The following TP53BP2 variants were observed in gnomAD, a reference collection of about 807,000 sequenced individuals.
TP53BP2 encodes apoptosis-stimulating of p53 protein 2.
Under a neutral mutation model 126.2 loss-of-function variants are expected in TP53BP2, and 62 were observed. The observed-to-expected ratio is 0.49, with a 90% CI of 0.40 to 0.61. The LOEUF is 0.61. TP53BP2 is among the 20% of genes least tolerant of loss of function. TP53BP2 has a pLI of 0.00. For missense variants in TP53BP2, 1,215 were observed against 1,402.8 expected (o/e 0.87, Z 2.14); for synonymous variants, 485 against 502.9 (o/e 0.96, Z 0.48).
rs1263599347 is a variant in TP53BP2, at chr1:223,800,733, C to T, written c.1303G>A (p.Val435Ile). The T allele has an allele frequency of 3.7e-6, 6 of 1,608,018 alleles. No homozygotes were observed. Among genetic ancestry groups the T allele is most frequent in the Middle Eastern group, 1.6e-4 (1 of 6,066 alleles). ...AGAGCATTCCCAGTGCTTTGAGGTA[C>T]AGAAGCAGAGCCTTGGCTTGGGAAA... ...DLFPSQGSASVPQSTGNALDQ... is the reference protein window; with the variant it reads ...DLFPSQGSASIPQSTGNALDQ... Residue 435 changes from valine to isoleucine, a missense_variant, in exon 10 of 18, where the codon GTA (valine) becomes ATA (isoleucine). By Grantham distance (29) the Val-to-Ile change is conservative. This residue lies in a region of TP53BP2 where 814 missense variants were observed against 853.0 expected (regional missense o/e 0.95). Transcript: ENST00000343537.
intron 2 of TP53BP2, among the ~76,000 whole-genome samples, 192 bp from the exon 3 acceptor site, chr1:223,814,545 C>T (rs1049582883): frequency 1.3e-5 from 2 of 152,086 alleles, no homozygotes; most frequent in African/African-American, 4.8e-5. Context: ...CAGAGTCAAG[C>T]CAGGGTGGAA....
intron 2 of TP53BP2, among the ~76,000 whole-genome samples, chr1:223,820,024 G>A (rs573009984): frequency 4.0e-4 from 61 of 152,336 alleles, no homozygotes; most frequent in Middle Eastern, 3.4e-3. Context: ...TCAGGATGAT[G>A]TAACTGAGAA....
chr1:223,845,760 AGCGAGGCCGCCCGGACCTGTT>A lies in TP53BP2; in HGVS notation c.-101_-81del. 7.3e-7 allele frequency: 1 copy of A among 1,376,588 alleles called. No homozygotes were observed. Among genetic ancestry groups the A allele is most frequent in the Non-Finnish European group, 9.5e-7 (1 of 1,057,514 alleles). The allele number at this position is 1,376,588 out of a possible 1,614,324, so 85.3% of individuals were successfully genotyped here. On this transcript the variant is annotated 5_prime_UTR_variant, in exon 1 of 18. Transcript: ENST00000343537. ...GCGGATGCGGGGGAGGGGAGCGGAG[AGCGAGGCCGCCCGGACCTGTT>A]GCGAGGCGGCGGCGGCGGCAGCGGC... is the stretch of plus-strand genomic sequence containing the variant.
At chr1:223,817,819 A>G (rs530563855) in intron 2 of TP53BP2, among the ~76,000 whole-genome samples, 1 of 151,686 alleles carries the variant, frequency 6.6e-6, no homozygotes, top group Non-Finnish European at 1.5e-5. Context: ...CCAGCTACTC[A>G]GGGGGCTGAG....
Position 223,802,234 on chromosome 1 carries a change from A to C in TP53BP2, c.1107T>G (p.Pro369=). 6.2e-7 allele frequency: 1 copy of C among 1,614,210 alleles called. No individual in the cohort carries two copies. Among genetic ancestry groups the C allele is most frequent in the Non-Finnish European group, 8.5e-7 (1 of 1,180,028 alleles). Residue 369 remains proline (P), a synonymous_variant, in exon 9 of 18, where the codon CCT becomes CCG. Coordinates refer to ENST00000343537, the MANE Select transcript of TP53BP2 (RefSeq NM_001031685.3). ...GCAGGGCTGGCTTCACCAGCAATTC[A>C]GGCCTTGAGGGCATCCGAGGCATAG... ...SSTMPRMPSR[P]ELLVKPALPD... is the part of the protein sequence containing the mutation.
intron 1 of TP53BP2, among the ~76,000 whole-genome samples, chr1:223,823,513 TAA>T (rs1558105845): frequency 2.0e-5 from 3 of 151,878 alleles, no homozygotes; most frequent in African/African-American, 7.3e-5. Flanking sequence ...AATGGAAAAA[TAA>T]AAAAACACTG....
intron 1 of TP53BP2, among the ~76,000 whole-genome samples, chr1:223,821,879 T>G (rs1254957427): frequency 1.3e-5 from 2 of 150,160 alleles, no homozygotes; most frequent in Non-Finnish European, 2.9e-5. Flanking sequence ...ATATATTACC[T>G]ATTCAAAAAA....
chr1:223,799,185 T>A (rs986973750), intron 11 of TP53BP2, among the ~76,000 whole-genome samples: 2 of 152,112 alleles, frequency 1.3e-5, no homozygotes, highest in African/African-American at 4.8e-5. Flanking sequence ...CCCAGGCTGG[T>A]CTCGAACTCC....
In TP53BP2 at chr1:223,798,434, CT is replaced by C. The variant is rs1662410636; in HGVS notation, c.1728del (p.Gly577ValfsTer61). ...PSVGQDQTLS[P>X]GSKQESPPAA... is the part of the protein sequence containing the mutation. ...GCAGGTGGACTTTCTTGCTTAGAACCTGGAGAAAGGGTCTGGTCTTGGCCAA... is the reference window on the plus strand; with the variant it reads ...GCAGGTGGACTTTCTTGCTTAGAACCGGAGAAAGGGTCTGGTCTTGGCCAA... On this transcript the variant is annotated frameshift_variant, in exon 12 of 18. Coordinates refer to ENST00000343537, the MANE Select transcript of TP53BP2 (RefSeq NM_001031685.3). LOFTEE classifies it high-confidence loss of function. 6.2e-7 allele frequency: 1 copy of C among 1,614,016 alleles called. No homozygotes were observed. Among genetic ancestry groups the C allele is most frequent in the Admixed American group, 1.7e-5 (1 of 59,986 alleles).
chr1:223,780,834 A>G lies in TP53BP2; in HGVS notation c.*19T>C. 1 of 1,612,280 alleles carries G rather than the reference A, an allele frequency of 6.2e-7. No homozygotes were observed. The highest frequency in any genetic ancestry group is 8.5e-7 in the Non-Finnish European group (1 of 1,179,504). ...AACAGAGATTAATTCTTCATTGACT[A>G]AAATTCTGTGTGGAAGTTTCAGGCC... On this transcript the variant is annotated 3_prime_UTR_variant, in exon 18 of 18. Transcript: ENST00000343537.
intron 10 of TP53BP2, 77 bp downstream of exon 10, chr1:223,800,622 TG>T: frequency 9.9e-7 from 1 of 1,007,356 alleles, no homozygotes; most frequent in Non-Finnish European, 1.5e-6. Context: ...AAAGAGAAAA[TG>T]GACTCTCTAA....
In TP53BP2 at chr1:223,806,916, G is replaced by C. The variant is rs780124457; in HGVS notation, c.404C>G (p.Ala135Gly). Residue 135 changes from alanine to glycine, a missense_variant, in exon 5 of 18, where the codon GCT becomes GGT. Transcript: ENST00000343537. Reference protein sequence around the residue: ...VNSPRMDLTLAELQEMASRQQ... With the variant: ...VNSPRMDLTLGELQEMASRQQ... Reference sequence around the variant, plus strand: ...GCGAGATGCCATTTCCTGAAGTTCAGCAAGAGTCAGATCCATCCTAGGACT... The same window carrying C: ...GCGAGATGCCATTTCCTGAAGTTCACCAAGAGTCAGATCCATCCTAGGACT... 3.1e-6 allele frequency: 5 copies of C among 1,613,968 alleles called. No homozygotes were observed. Among genetic ancestry groups the C allele is most frequent in the Admixed American group, 1.7e-5 (1 of 60,012 alleles).
intron 11 of TP53BP2, 69 bp downstream of exon 11, chr1:223,799,830 T>C: frequency 7.0e-7 from 1 of 1,422,664 alleles, no homozygotes; most frequent in South Asian, 1.5e-5. Context: ...CACACAATAC[T>C]TTATCCCTTC....
In TP53BP2 at chr1:223,806,955, T is replaced by C. The variant is rs746660861; in HGVS notation, c.373-8A>G. 1.9e-6 allele frequency: 3 copies of C among 1,599,322 alleles called. No homozygotes were observed. In the South Asian group the frequency reaches 3.3e-5, roughly 18 times the overall value. ...CATCCTAGGACTATTAACCTACAAG[T>C]AAAAACACAAATAAACACAATCCCA... On this transcript the variant is annotated splice_polypyrimidine_tract_variant and splice_region_variant and intron_variant, in intron 4 of 17. Coordinates refer to ENST00000343537, the MANE Select transcript of TP53BP2 (RefSeq NM_001031685.3).
At chr1:223,825,146 T>C (rs551864629) in intron 1 of TP53BP2, among the ~76,000 whole-genome samples, 94 of 152,258 alleles carry the variant, frequency 6.2e-4, no homozygotes, top group African/African-American at 2.2e-3. Context: ...ATTATCTGCC[T>C]TTCCTACTAG....
At chr1:223,841,192 G>A (rs923666729) in intron 1 of TP53BP2, among the ~76,000 whole-genome samples, 2 of 152,130 alleles carry the variant, frequency 1.3e-5, no homozygotes, top group Admixed American at 6.5e-5. Flanking sequence ...GCAGTGAGCC[G>A]AGATCGCGCC....
intron 1 of TP53BP2, among the ~76,000 whole-genome samples, chr1:223,835,201 G>A (rs1333466832): frequency 6.6e-6 from 1 of 152,232 alleles, no homozygotes; most frequent in African/African-American, 2.4e-5. Flanking sequence ...CACAGTGAAT[G>A]TTTTCAAAGC....
At chr1:223,837,673 T>C (rs1237989108) in intron 1 of TP53BP2, among the ~76,000 whole-genome samples, 3 of 152,158 alleles carry the variant, frequency 2.0e-5, no homozygotes, top group Non-Finnish European at 4.4e-5. Flanking sequence ...TTCTGTAGAC[T>C]TTCCTACTCT....
At chr1:223,786,285 G>A (rs776696376) in intron 16 of TP53BP2, among the ~76,000 whole-genome samples, 4 of 152,224 alleles carry the variant, frequency 2.6e-5, no homozygotes, top group East Asian at 3.9e-4. Context: ...CACTACAGAC[G>A]TGAGAAGGGG....
Sources: gnomAD v4.1 joint callset for allele counts (sites outside exome capture counted in the v4.1 genomes callset) on GRCh38, gnomAD v4.1.1 for gene constraint, gnomAD v4.1.1 regional missense constraint, MANE v1.5 for transcripts, NCBI Gene and HGNC (gene_info 2026-07-23, HGNC 2026-07-21) for gene names.